The following PDE4D variants were observed in gnomAD, a reference collection of about 807,000 sequenced individuals.
PDE4D encodes 3',5'-cyclic-AMP phosphodiesterase 4D.
In PDE4D, 24 loss-of-function variants were observed where a neutral mutation model predicts 87.4. The ratio of observed to expected loss-of-function variants is 0.27; its 90% confidence interval spans 0.20 to 0.39. The LOEUF is 0.39. Among genes scored for constraint, PDE4D ranks in the 10% least tolerant of loss-of-function variants. The probability of loss-of-function intolerance (pLI) is 1.00; values close to 1 mark genes in which losing one functional copy is unlikely to be tolerated. For missense variants in PDE4D, 714 were observed against 1,041.0 expected (o/e 0.69, Z 4.32); for synonymous variants, 384 against 383.2 (o/e 1.00, Z -0.02).
intron 5 of PDE4D, among the ~76,000 whole-genome samples, chr5:59,117,460 A>T (rs73761119): frequency 0.011 from 1,675 of 152,048 alleles, 27 homozygotes; most frequent in African/African-American, 0.038. Context: ...CACATACATG[A>T]TCCAATATTT....
At chr5:59,034,335 T>C (rs1758124199) in intron 6 of PDE4D, among the ~76,000 whole-genome samples, 1 of 152,214 alleles carries the variant, frequency 6.6e-6, no homozygotes, top group African/African-American at 2.4e-5. Flanking sequence ...TATGTTAATG[T>C]AGAAAACAAC....
At chr5:60,516,666 C>A (rs991416521) in intron 1 of PDE4D, among the ~76,000 whole-genome samples, 13 of 152,186 alleles carry the variant, frequency 8.5e-5, no homozygotes, top group African/African-American at 3.1e-4. Flanking sequence ...AAAAATGATA[C>A]CAACAATAAT....
intron 1 of PDE4D, among the ~76,000 whole-genome samples, chr5:59,692,665 C>G (rs143574075): frequency 5.9e-5 from 9 of 152,202 alleles, no homozygotes; most frequent in African/African-American, 2.2e-4. Context: ...GTTGGCTGAG[C>G]TCTAATTTAA....
At chr5:59,956,127 A>G (rs1166589239) in intron 3 of PDE4D, among the ~76,000 whole-genome samples, 1 of 152,212 alleles carries the variant, frequency 6.6e-6, no homozygotes, top group Non-Finnish European at 1.5e-5. Flanking sequence ...AATCCAGGTG[A>G]GTGGCCCAGG....
At chr5:59,668,596 C>T (rs1292828293) in intron 1 of PDE4D, among the ~76,000 whole-genome samples, 1 of 151,778 alleles carries the variant, frequency 6.6e-6, no homozygotes, top group East Asian at 1.9e-4. Flanking sequence ...GTAGTCCCAG[C>T]TACTCAGAGG....
chr5:60,220,935 G>A lies in PDE4D; in HGVS notation c.-89-35248C>T, dbSNP rs768930469. Reference sequence around the variant, plus strand: ...TGAAACATATTCTTTGATCTAGAACGTTTTGGAAACCCTAGCCCAAGGAAA... The same window carrying A: ...TGAAACATATTCTTTGATCTAGAACATTTTGGAAACCCTAGCCCAAGGAAA... On this transcript the variant is annotated intron_variant, in intron 1 of 16. Transcript: ENST00000502484. Among the ~76,000 whole-genome samples the A allele has an allele frequency of 1.1e-4, 16 of 152,008 alleles. 1 individual carries two copies. Among genetic ancestry groups the A allele is most frequent in the Non-Finnish European group, 2.2e-4 (15 of 67,986 alleles).
intron 1 of PDE4D, among the ~76,000 whole-genome samples, chr5:59,592,819 A>G (rs1440117351): frequency 6.6e-6 from 1 of 152,124 alleles, no homozygotes; most frequent in Non-Finnish European, 1.5e-5. Flanking sequence ...TGTGTATACC[A>G]TCTTGGAGTC....
chr5:59,685,478 T>C (rs899726739), intron 1 of PDE4D, among the ~76,000 whole-genome samples: 6 of 152,224 alleles, frequency 3.9e-5, no homozygotes, highest in African/African-American at 9.6e-5. Flanking sequence ...TACAAAATTA[T>C]TTCTCATTAA....
chr5:60,379,522 C>T (rs1761700114), intron 1 of PDE4D, among the ~76,000 whole-genome samples: 1 of 152,204 alleles, frequency 6.6e-6, no homozygotes, highest in Non-Finnish European at 1.5e-5. Flanking sequence ...CAGCCACAGA[C>T]ATCTAAAGGA....
At chr5:59,681,358 C>T (rs979411448) in intron 1 of PDE4D, among the ~76,000 whole-genome samples, 1 of 151,922 alleles carries the variant, frequency 6.6e-6, no homozygotes, top group Non-Finnish European at 1.5e-5. Flanking sequence ...GAAACAAGCA[C>T]GAAGAAACAT....
intron 5 of PDE4D, among the ~76,000 whole-genome samples, chr5:59,076,140 C>T (rs1299832387): frequency 1.3e-5 from 2 of 152,080 alleles, no homozygotes; most frequent in East Asian, 3.8e-4. Context: ...TGGCATTGAA[C>T]AATGTGAATA....
At chr5:60,334,640 G>A (rs1757586470) in intron 1 of PDE4D, among the ~76,000 whole-genome samples, 1 of 151,764 alleles carries the variant, frequency 6.6e-6, no homozygotes, top group African/African-American at 2.4e-5. Context: ...TCCTATTTAG[G>A]AGACACAAGC....
At chr5:59,242,051 T>C (rs1482217310) in intron 1 of PDE4D, among the ~76,000 whole-genome samples, 1 of 152,180 alleles carries the variant, frequency 6.6e-6, no homozygotes, top group Non-Finnish European at 1.5e-5. Flanking sequence ...AAGTGATAAC[T>C]ATTTATTGAA....
chr5:59,713,828 T>C (rs1194066751), intron 1 of PDE4D, among the ~76,000 whole-genome samples: 1 of 152,008 alleles, frequency 6.6e-6, no homozygotes, highest in Non-Finnish European at 1.5e-5. Flanking sequence ...GGGCATTTTT[T>C]CTGTGCTACA....
At chr5:60,381,150 T>C (rs1761828990) in intron 1 of PDE4D, among the ~76,000 whole-genome samples, 1 of 152,180 alleles carries the variant, frequency 6.6e-6, no homozygotes. Flanking sequence ...ATGCTAACAA[T>C]GTGATGCATG....
At chr5:59,808,602 T>TTG (rs1272568992) in intron 1 of PDE4D, among the ~76,000 whole-genome samples, 4 of 142,536 alleles carry the variant, frequency 2.8e-5, no homozygotes, top group Admixed American at 7.1e-5. Flanking sequence ...GTGTGTGTGT[T>TTG]TGTGTGTGTG....
chr5:60,047,688 T>C (rs1009076372), intron 2 of PDE4D, among the ~76,000 whole-genome samples: 1 of 152,216 alleles, frequency 6.6e-6, no homozygotes, highest in Admixed American at 6.5e-5. Context: ...TTGAATGAGA[T>C]TCTTAATCCT....
chr5:59,218,388 T>A (rs536032325), intron 1 of PDE4D, among the ~76,000 whole-genome samples: 44 of 152,282 alleles, frequency 2.9e-4, no homozygotes, highest in African/African-American at 1.1e-3. Context: ...TTTTTCCAAT[T>A]AAATCAAGCA....
intron 1 of PDE4D, among the ~76,000 whole-genome samples, chr5:60,416,241 T>C (rs1742536930): frequency 6.6e-6 from 1 of 152,148 alleles, no homozygotes; most frequent in Non-Finnish European, 1.5e-5. Context: ...CAGCTCTCTG[T>C]AAAATGGACC....
Sources: allele counts gnomAD v4.1 joint callset (sites outside exome capture counted in the v4.1 genomes callset), GRCh38; gene constraint gnomAD v4.1.1; transcripts MANE v1.5; gene names NCBI Gene and HGNC (gene_info 2026-07-23, HGNC 2026-07-21).